The following GPHN variants were observed in gnomAD, a reference collection of about 807,000 sequenced individuals.
The protein encoded by GPHN is gephyrin.
A neutral mutation model predicts 95.5 loss-of-function variants in GPHN; 17 were observed. The observed-to-expected ratio is 0.18, with a 90% confidence interval of 0.12 to 0.27. GPHN has a LOEUF of 0.27. GPHN is among the 10% of genes least tolerant of loss of function. The pLI, the probability that GPHN is intolerant of heterozygous loss-of-function variation, is 1.00. For synonymous variants in GPHN, 320 were observed against 322.5 expected (o/e 0.99, Z 0.08); for missense variants, 660 against 978.1 (o/e 0.67, Z 4.34).
intron 5 of GPHN, among the ~76,000 whole-genome samples, chr14:66,902,780 T>C (rs2065181975): frequency 6.6e-6 from 1 of 152,112 alleles, no homozygotes; most frequent in Non-Finnish European, 1.5e-5. Context: ...CTTGAGAATT[T>C]TTGCATTTGT....
At chr14:66,777,983 G>T (rs1224239380) in intron 3 of GPHN, among the ~76,000 whole-genome samples, 1 of 152,098 alleles carries the variant, frequency 6.6e-6, no homozygotes, top group Non-Finnish European at 1.5e-5. Context: ...GGGCAATCAG[G>T]CAGGAGAAGG....
At chr14:67,626,585 C>G in the GPHN span, among the ~76,000 whole-genome samples, 1 of 152,104 alleles carries the variant, frequency 6.6e-6, no homozygotes, top group Non-Finnish European at 1.5e-5. Context: ...CAATCTCGGC[C>G]TCAGCCTTCT....
intron 1 of GPHN, among the ~76,000 whole-genome samples, chr14:66,602,538 A>G (rs1362469580): frequency 6.6e-6 from 1 of 151,970 alleles, no homozygotes; most frequent in Non-Finnish European, 1.5e-5. Context: ...TGTGAATACG[A>G]ATTTTGTTTT....
intron 12 of GPHN, among the ~76,000 whole-genome samples, chr14:67,097,481 C>T (rs1283073325): frequency 6.6e-6 from 1 of 151,930 alleles, no homozygotes; most frequent in African/African-American, 2.4e-5. Context: ...GGAGCACTTC[C>T]ACTTCATGTC....
chr14:67,689,944 C>CAA, the GPHN span: 628 of 301,648 alleles, frequency 2.1e-3, no homozygotes, highest in South Asian at 3.4e-3. Context: ...GATCCCGTCT[C>CAA]AAAAAAAAAA....
the GPHN span, chr14:67,388,357 T>TTGTAAGGGGAG: frequency 9.6e-7 from 1 of 1,045,334 alleles, no homozygotes; most frequent in Non-Finnish European, 1.5e-6. Flanking sequence ...AAGGGAAGAG[T>TTGTAAGGGGAG]TGCACTCCCC....
chr14:67,674,580 T>C, the GPHN span: 1 of 1,098,566 alleles, frequency 9.1e-7, no homozygotes, highest in Non-Finnish European at 1.2e-6. Context: ...CCAGTGGCCA[T>C]AACGGCGACC....
At chr14:67,083,979 C>T (rs539711663) in intron 11 of GPHN, among the ~76,000 whole-genome samples, 3 of 152,150 alleles carry the variant, frequency 2.0e-5, no homozygotes, top group East Asian at 1.9e-4. Flanking sequence ...TTCATTGACT[C>T]AGTCATTCAA....
chr14:67,083,210 T>A (rs1460693039), intron 11 of GPHN, among the ~76,000 whole-genome samples: 1 of 152,014 alleles, frequency 6.6e-6, no homozygotes, highest in Non-Finnish European at 1.5e-5. Flanking sequence ...GCTAACTGAT[T>A]GATAGTATTT....
At chr14:67,245,907 C>T in the GPHN span, among the ~76,000 whole-genome samples, 1 of 151,730 alleles carries the variant, frequency 6.6e-6, no homozygotes, top group Non-Finnish European at 1.5e-5. Flanking sequence ...ATTTTTAGAT[C>T]TATGTTCCAT....
At chr14:67,346,437 G>A in the GPHN span, among the ~76,000 whole-genome samples, 495 of 152,174 alleles carry the variant, frequency 3.3e-3, 2 homozygotes, top group Non-Finnish European at 5.4e-3. Context: ...TCGGCCTCCC[G>A]AGTAGCTGGG....
chr14:67,285,390 G>A, the GPHN span, among the ~76,000 whole-genome samples: 5 of 144,160 alleles, frequency 3.5e-5, no homozygotes, highest in South Asian at 4.4e-4. Context: ...TTTTTGAGAC[G>A]GAGTCTCGCT....
At chr14:66,585,560 A>G (rs1002544061) in intron 1 of GPHN, among the ~76,000 whole-genome samples, 1 of 151,982 alleles carries the variant, frequency 6.6e-6, no homozygotes, top group Non-Finnish European at 1.5e-5. Context: ...ACTGCTTTAA[A>G]TGTGTCCCAG....
chr14:67,435,071 A>C, the GPHN span, among the ~76,000 whole-genome samples: 3 of 151,484 alleles, frequency 2.0e-5, no homozygotes, highest in Non-Finnish European at 2.9e-5. Context: ...GGTTCAAGCA[A>C]TTCTTCTGCC....
At chr14:66,738,558 A>T (rs1397928352) in intron 2 of GPHN, among the ~76,000 whole-genome samples, 1 of 152,168 alleles carries the variant, frequency 6.6e-6, no homozygotes, top group Non-Finnish European at 1.5e-5. Context: ...GCAGAAATAG[A>T]TTGATGCAGA....
At chr14:67,713,759 A>G in the GPHN span, among the ~76,000 whole-genome samples, 1 of 152,062 alleles carries the variant, frequency 6.6e-6, no homozygotes, top group African/African-American at 2.4e-5. Context: ...GTCAGAGCAC[A>G]GTTTGGTTTT....
intron 13 of GPHN, among the ~76,000 whole-genome samples, chr14:67,101,647 A>G (rs1476350939): frequency 6.6e-6 from 1 of 151,526 alleles, no homozygotes; most frequent in Non-Finnish European, 1.5e-5. Flanking sequence ...ATTTCTTCAA[A>G]GTAGAAAAAA....
chr14:67,483,593 G>A, the GPHN span, among the ~76,000 whole-genome samples: 10 of 152,242 alleles, frequency 6.6e-5, no homozygotes, highest in Middle Eastern at 3.4e-3. Context: ...CCTGTTCCTC[G>A]GGATCCACAC....
the GPHN span, chr14:67,198,287 A>G: frequency 2.5e-6 from 4 of 1,613,810 alleles, no homozygotes; most frequent in Non-Finnish European, 2.5e-6. Flanking sequence ...CCCCTTTTGT[A>G]TCTCCTCCCA....
Sources: gnomAD v4.1 joint callset for allele counts (sites outside exome capture counted in the v4.1 genomes callset) on GRCh38, gnomAD v4.1.1 for gene constraint, MANE v1.5 for transcripts, NCBI Gene and HGNC (gene_info 2026-07-23, HGNC 2026-07-21) for gene names.